The following KCNN2 variants were observed in gnomAD, a reference collection of about 807,000 sequenced individuals.
KCNN2 encodes small conductance calcium-activated potassium channel protein 2.
A neutral mutation model predicts 55.5 loss-of-function variants in KCNN2; 24 were observed. The ratio of observed to expected loss-of-function variants is 0.43; its 90% CI spans 0.31 to 0.61. The LOEUF is 0.61. Among genes scored for constraint, KCNN2 ranks in the 20% least tolerant of loss-of-function variants. The pLI, the probability that KCNN2 is intolerant of heterozygous loss-of-function variation, is 0.08. For synonymous variants in KCNN2, 431 were observed against 336.1 expected (o/e 1.28, Z -3.09); for missense variants, 754 against 853.6 (o/e 0.88, Z 1.45).
chr5:114,065,771 T>C (rs1410960059), intron 1 of KCNN2, among the ~76,000 whole-genome samples: 3 of 150,682 alleles, frequency 2.0e-5, no homozygotes, highest in Non-Finnish European at 4.4e-5. Flanking sequence ...GGAGTGTGCA[T>C]GCTTTATATC....
At chr5:114,203,226 G>A (rs942065744) in intron 1 of KCNN2, among the ~76,000 whole-genome samples, 2 of 152,150 alleles carry the variant, frequency 1.3e-5, no homozygotes, top group East Asian at 1.9e-4. Context: ...TTAATATTAT[G>A]TCTCTTTTGC....
intron 1 of KCNN2, among the ~76,000 whole-genome samples, chr5:114,158,788 G>C (rs1256129856): frequency 9.9e-5 from 15 of 152,090 alleles, no homozygotes; most frequent in African/African-American, 3.1e-4. Flanking sequence ...GTTCACTCAT[G>C]ATTTGGCTCT....
At chr5:114,412,554 T>G (rs1234645000) in intron 3 of KCNN2, among the ~76,000 whole-genome samples, 1 of 152,262 alleles carries the variant, frequency 6.6e-6, no homozygotes, top group Non-Finnish European at 1.5e-5. Flanking sequence ...GAATGGCATC[T>G]GAAAGTTTCA....
chr5:114,409,125 T>A (rs1047724307), intron 3 of KCNN2, among the ~76,000 whole-genome samples: 1 of 152,210 alleles, frequency 6.6e-6, no homozygotes, highest in Admixed American at 6.5e-5. Flanking sequence ...ATCTCATGTC[T>A]TTTTGCCTTA....
At chr5:114,220,130 G>A (rs1042460157) in intron 1 of KCNN2, among the ~76,000 whole-genome samples, 21 of 152,258 alleles carry the variant, frequency 1.4e-4, no homozygotes, top group Admixed American at 5.2e-4. Context: ...AACTGGCCGT[G>A]TAAAACAAAG....
chr5:114,279,439 A>G (rs1276361067), intron 2 of KCNN2, among the ~76,000 whole-genome samples: 2 of 151,950 alleles, frequency 1.3e-5, no homozygotes, highest in African/African-American at 4.8e-5. Flanking sequence ...TCCTAATGCT[A>G]TCCCTCCCTG....
At chr5:114,446,842 C>T (rs1452449007) in intron 3 of KCNN2, among the ~76,000 whole-genome samples, 2 of 151,968 alleles carry the variant, frequency 1.3e-5, no homozygotes, top group East Asian at 3.9e-4. Context: ...GTCGAAGTTG[C>T]AGTGAGCCGA....
chr5:114,243,060 A>G (rs1754676540), intron 2 of KCNN2, among the ~76,000 whole-genome samples: 1 of 152,210 alleles, frequency 6.6e-6, no homozygotes, highest in Admixed American at 6.5e-5. Context: ...GGATGTCAGA[A>G]AATATAAAAA....
chr5:114,201,260 C>A (rs1217733300), intron 1 of KCNN2, among the ~76,000 whole-genome samples: 1 of 151,952 alleles, frequency 6.6e-6, no homozygotes, highest in Non-Finnish European at 1.5e-5. Context: ...TCCTTTATCC[C>A]TCCACTAACC....
At chr5:114,066,370 C>G (rs1279354420) in intron 1 of KCNN2, among the ~76,000 whole-genome samples, 1 of 152,106 alleles carries the variant, frequency 6.6e-6, no homozygotes, top group Non-Finnish European at 1.5e-5. Flanking sequence ...AGGCAAAACC[C>G]TAGGGTTGAG....
chr5:114,341,461 G>A (rs1757013081), intron 2 of KCNN2, among the ~76,000 whole-genome samples: 3 of 152,080 alleles, frequency 2.0e-5, no homozygotes, highest in Non-Finnish European at 1.5e-5. Flanking sequence ...AGGAGAAGGG[G>A]AAAATTAGGG....
chr5:114,322,495 A>G (rs1756631369), intron 2 of KCNN2, among the ~76,000 whole-genome samples: 2 of 152,168 alleles, frequency 1.3e-5, no homozygotes, highest in Admixed American at 1.3e-4. Flanking sequence ...TAAATAAAAT[A>G]TGTTCATTCC....
chr5:114,310,058 A>C (rs1456446178), intron 2 of KCNN2, among the ~76,000 whole-genome samples: 1 of 152,214 alleles, frequency 6.6e-6, no homozygotes, highest in Non-Finnish European at 1.5e-5. Flanking sequence ...CTTCTCTAGC[A>C]CATACAATTT....
At chr5:114,061,978 T>C (rs752797430) in intron 1 of KCNN2, among the ~76,000 whole-genome samples, 10 of 152,198 alleles carry the variant, frequency 6.6e-5, no homozygotes, top group South Asian at 2.1e-4. Flanking sequence ...ATGACTTATT[T>C]ACATTTCCCC....
At chr5:114,390,405 A>T (rs1012479035) in intron 2 of KCNN2, among the ~76,000 whole-genome samples, 20 of 152,308 alleles carry the variant, frequency 1.3e-4, no homozygotes, top group Admixed American at 1.3e-3. Context: ...CATCATTTCC[A>T]GTAGCTACAA....
chr5:114,486,916 G>C (rs1747578755), intron 5 of KCNN2, 134 bp from the exon 6 acceptor site: 4 of 1,208,996 alleles, frequency 3.3e-6, no homozygotes, highest in Middle Eastern at 3.9e-4. Context: ...AAAGAAAAAT[G>C]GTATTTGGAG....
At chr5:114,089,193 G>T (rs1278354846) in intron 1 of KCNN2, among the ~76,000 whole-genome samples, 1 of 152,040 alleles carries the variant, frequency 6.6e-6, no homozygotes, top group Non-Finnish European at 1.5e-5. Flanking sequence ...GGATTTTGTT[G>T]TCTTCCTTTA....
intron 3 of KCNN2, among the ~76,000 whole-genome samples, chr5:114,421,188 CAT>C (rs1451548478): frequency 3.3e-5 from 5 of 150,358 alleles, no homozygotes; most frequent in African/African-American, 1.2e-4. Flanking sequence ...TAAATCCTGA[CAT>C]ATGGTTTTTA....
At chr5:114,489,867 A>G (rs1747763933) in intron 6 of KCNN2, among the ~76,000 whole-genome samples, 1 of 152,142 alleles carries the variant, frequency 6.6e-6, no homozygotes, top group African/African-American at 2.4e-5. Context: ...CTGAAGAAAA[A>G]TGTTAAAATT....
Sources: allele counts gnomAD v4.1 joint callset (sites outside exome capture counted in the v4.1 genomes callset), GRCh38; gene constraint gnomAD v4.1.1; transcripts MANE v1.5; gene names NCBI Gene and HGNC (gene_info 2026-07-23, HGNC 2026-07-21).